The following NXPE2 variants were observed in gnomAD, a reference collection of about 807,000 sequenced individuals.
NXPE2 encodes neurexophilin and PC-esterase domain family member 2.
In NXPE2, 34 loss-of-function variants were observed where a neutral mutation model predicts 34.4. That is an observed-to-expected ratio of 0.99 (90% CI 0.75 to 1.31). The LOEUF is 1.31. Among genes scored for constraint, NXPE2 ranks in the 40% most tolerant of loss-of-function variants. The pLI, the probability that NXPE2 is intolerant of heterozygous loss-of-function variation, is 0.00. For synonymous variants in NXPE2, 235 were observed against 231.3 expected (o/e 1.02, Z -0.15); for missense variants, 649 against 672.5 (o/e 0.97, Z 0.39).
chr11:114,508,469 A>G, the NXPE2 span, among the ~76,000 whole-genome samples: 1 of 152,252 alleles, frequency 6.6e-6, no homozygotes, highest in Non-Finnish European at 1.5e-5. Flanking sequence ...AACTGGAGGC[A>G]TCATGCTACC....
the NXPE2 span, among the ~76,000 whole-genome samples, chr11:114,666,763 T>G: frequency 5.9e-5 from 9 of 152,156 alleles, no homozygotes; most frequent in African/African-American, 1.9e-4. Flanking sequence ...AATATCAGCT[T>G]GTCTTGGAAT....
chr11:114,777,510 T>C, the NXPE2 span, among the ~76,000 whole-genome samples: 1 of 152,252 alleles, frequency 6.6e-6, no homozygotes, highest in African/African-American at 2.4e-5. Flanking sequence ...CTAGTAAGAG[T>C]CATGAAGCTG....
At chr11:114,516,287 C>T in the NXPE2 span, among the ~76,000 whole-genome samples, 5 of 152,144 alleles carry the variant, frequency 3.3e-5, no homozygotes, top group South Asian at 1.0e-3. Flanking sequence ...TAGGGACATT[C>T]AGGCAAGGGT....
chr11:114,602,416 A>G, the NXPE2 span, among the ~76,000 whole-genome samples: 1,139 of 132,798 alleles, frequency 8.6e-3, 17 homozygotes, highest in African/African-American at 0.03. Flanking sequence ...ACTATTGAAC[A>G]TATCAATAAA....
the NXPE2 span, among the ~76,000 whole-genome samples, chr11:114,653,179 A>G: frequency 6.6e-6 from 1 of 152,224 alleles, no homozygotes; most frequent in Non-Finnish European, 1.5e-5. Flanking sequence ...ATCTGGAGAA[A>G]GGGTTTTTAA....
the NXPE2 span, among the ~76,000 whole-genome samples, chr11:114,723,272 C>CA: frequency 6.6e-6 from 1 of 151,694 alleles, no homozygotes; most frequent in Non-Finnish European, 1.5e-5. Flanking sequence ...TGAAAGTTTG[C>CA]AATACACTGA....
chr11:114,634,537 C>T, the NXPE2 span, among the ~76,000 whole-genome samples: 3 of 151,982 alleles, frequency 2.0e-5, no homozygotes, highest in Non-Finnish European at 4.4e-5. Flanking sequence ...AAGTCCTTGC[C>T]CATGCCTATG....
At chr11:114,472,147 A>C in the NXPE2 span, among the ~76,000 whole-genome samples, 1 of 152,212 alleles carries the variant, frequency 6.6e-6, no homozygotes, top group Non-Finnish European at 1.5e-5. Context: ...GCAAATTGCA[A>C]GGAGGCACAC....
chr11:114,722,779 G>A, the NXPE2 span, among the ~76,000 whole-genome samples: 3 of 152,230 alleles, frequency 2.0e-5, no homozygotes, highest in African/African-American at 7.2e-5. Flanking sequence ...ATAACAAAAC[G>A]AAGGCAGTAC....
the NXPE2 span, among the ~76,000 whole-genome samples, chr11:114,481,599 A>G: frequency 6.6e-6 from 1 of 152,214 alleles, no homozygotes; most frequent in African/African-American, 2.4e-5. Flanking sequence ...AAGGAAATTC[A>G]TAAAATTAAA....
At chr11:114,740,599 G>T in the NXPE2 span, among the ~76,000 whole-genome samples, 1 of 151,966 alleles carries the variant, frequency 6.6e-6, no homozygotes, top group Non-Finnish European at 1.5e-5. Context: ...ATGTATAAGG[G>T]TTTCCATTTT....
the NXPE2 span, among the ~76,000 whole-genome samples, chr11:114,725,489 A>C: frequency 6.6e-6 from 1 of 151,836 alleles, no homozygotes; most frequent in African/African-American, 2.4e-5. Flanking sequence ...TACCAGAGTC[A>C]TATAAATAAG....
the NXPE2 span, among the ~76,000 whole-genome samples, chr11:114,557,630 A>AAT: frequency 1.3e-5 from 1 of 77,014 alleles, no homozygotes; most frequent in Admixed American, 2.0e-4. Context: ...TATTATATAT[A>AAT]ATACATATAT....
chr11:114,782,716 A>G, the NXPE2 span, among the ~76,000 whole-genome samples: 2 of 152,226 alleles, frequency 1.3e-5, no homozygotes, highest in Non-Finnish European at 1.5e-5. Flanking sequence ...CAGGGTCCTA[A>G]GGAAGATAAA....
chr11:114,596,523 A>G, the NXPE2 span, among the ~76,000 whole-genome samples: 1 of 152,164 alleles, frequency 6.6e-6, no homozygotes, highest in Non-Finnish European at 1.5e-5. Context: ...CAGTTTCACA[A>G]CTGGTCTACT....
At chr11:114,575,043 TAA>T in the NXPE2 span, among the ~76,000 whole-genome samples, 4 of 152,124 alleles carry the variant, frequency 2.6e-5, no homozygotes, top group African/African-American at 9.6e-5. Flanking sequence ...TTAACATACG[TAA>T]GTCAATAAAT....
At chr11:114,679,916 G>A (rs981778058) in intron 2 of NXPE2, among the ~76,000 whole-genome samples, 154 bp downstream of exon 2, 14 of 151,956 alleles carry the variant, frequency 9.2e-5, no homozygotes, top group African/African-American at 3.4e-4. Context: ...AATCCCTTTG[G>A]CAATGCATAT....
chr11:114,761,598 G>C, the NXPE2 span, among the ~76,000 whole-genome samples: 8 of 122,244 alleles, frequency 6.5e-5, no homozygotes, highest in African/African-American at 1.9e-4. Flanking sequence ...ACGGAGTCTC[G>C]CTCTGTCGCC....
the NXPE2 span, among the ~76,000 whole-genome samples, chr11:114,776,374 G>T: frequency 2.6e-5 from 4 of 152,272 alleles, no homozygotes; most frequent in African/African-American, 9.6e-5. Context: ...AGGCTGCTGA[G>T]GCTCCCATCT....
Sources: gnomAD v4.1 joint callset for allele counts (sites outside exome capture counted in the v4.1 genomes callset) on GRCh38, gnomAD v4.1.1 for gene constraint, MANE v1.5 for transcripts, NCBI Gene and HGNC (gene_info 2026-07-23, HGNC 2026-07-21) for gene names.